The following LCLAT1 variants were observed in gnomAD, a reference collection of about 807,000 sequenced individuals.
LCLAT1 encodes 1-AGP acyltransferase 8.
A neutral mutation model predicts 30.7 loss-of-function variants in LCLAT1; 11 were observed. The observed-to-expected ratio is 0.36, with a 90% CI of 0.23 to 0.59. The LOEUF is 0.59. Ranked by LOEUF, LCLAT1 falls within the 20% of genes least tolerant of loss-of-function variation. The pLI, the probability that LCLAT1 is intolerant of heterozygous loss-of-function variation, is 0.77. For missense variants in LCLAT1, 402 were observed against 458.6 expected (o/e 0.88, Z 1.13); for synonymous variants, 155 against 151.3 (o/e 1.02, Z -0.18).
intron 5 of LCLAT1, among the ~76,000 whole-genome samples, chr2:30,638,585 G>A (rs766176551): frequency 6.6e-6 from 1 of 152,182 alleles, no homozygotes; most frequent in African/African-American, 2.4e-5. Flanking sequence ...CAGAGACTCC[G>A]CAGCAACAAG....
At chr2:30,556,987 G>T (rs1016953067) in intron 3 of LCLAT1, among the ~76,000 whole-genome samples, 2 of 151,886 alleles carry the variant, frequency 1.3e-5, no homozygotes, top group Non-Finnish European at 2.9e-5. Context: ...CACGTGATCC[G>T]CCTGCGTCGG....
rs971660261 is a variant in LCLAT1 at position 30,641,666 on chromosome 2, A to G, written c.*1047A>G. ...TGACAAATTTTACCTTAAAACCAAA[A>G]TGAAACACAAAAATTAATCCTTAAT... On this transcript the variant is annotated 3_prime_UTR_variant, in exon 6 of 6. Coordinates refer to ENST00000379509, the MANE Select transcript of LCLAT1 (RefSeq NM_001002257.3). The G allele has an allele frequency of 2.0e-5, 3 of 152,218 alleles. No individual in the cohort carries two copies. Among genetic ancestry groups the G allele is most frequent in the African/African-American group, 2.4e-5 (1 of 41,454 alleles). 9.4% of individuals were successfully genotyped at this position (152,218 alleles called of 1,614,324 possible).
At chr2:30,508,933 C>T (rs896210013) in intron 1 of LCLAT1, among the ~76,000 whole-genome samples, 13 of 152,108 alleles carry the variant, frequency 8.5e-5, no homozygotes, top group African/African-American at 3.1e-4. Flanking sequence ...TGTGTCATCT[C>T]TGATTTCTTT....
chr2:30,478,902 G>A (rs1306781703), intron 1 of LCLAT1, among the ~76,000 whole-genome samples: 1 of 152,084 alleles, frequency 6.6e-6, no homozygotes, highest in Non-Finnish European at 1.5e-5. Context: ...CATTGTAAAA[G>A]GGGAATCAAG....
intron 1 of LCLAT1, among the ~76,000 whole-genome samples, chr2:30,453,911 T>C (rs887760463): frequency 6.6e-6 from 1 of 152,212 alleles, no homozygotes; most frequent in African/African-American, 2.4e-5. Context: ...CAAATACTGT[T>C]ATTATCCTCA....
At chr2:30,557,723 A>G (rs968816081) in intron 3 of LCLAT1, among the ~76,000 whole-genome samples, 2 of 152,118 alleles carry the variant, frequency 1.3e-5, no homozygotes, top group African/African-American at 4.8e-5. Flanking sequence ...CCCACATCAA[A>G]TTTTTAATCA....
At chr2:30,510,651 G>T (rs1684897067) in intron 1 of LCLAT1, among the ~76,000 whole-genome samples, 1 of 152,052 alleles carries the variant, frequency 6.6e-6, no homozygotes, top group African/African-American at 2.4e-5. Context: ...TGAGATTGTT[G>T]TTGCTGATTT....
intron 5 of LCLAT1, among the ~76,000 whole-genome samples, chr2:30,604,124 C>T (rs980200214): frequency 7.2e-6 from 1 of 138,990 alleles, no homozygotes; most frequent in African/African-American, 2.6e-5. Flanking sequence ...TAGATTAGGG[C>T]ACAACTAACT....
Position 30,526,843 on chromosome 2 carries a change from T to C in LCLAT1, c.165+1088T>C, listed in dbSNP as rs1421104062. Among the ~76,000 whole-genome samples, 9 of 152,346 alleles carry C rather than the reference T, an allele frequency of 5.9e-5. No individual in the cohort carries two copies. The East Asian group carries it at 1.5e-3, about 26-fold the overall frequency. ...TGACTAATTTCTTTTCTGGCTTTCATGTGACTAAAAGTCTTTTTCTTTTTT... is the reference window on the plus strand; with the variant it reads ...TGACTAATTTCTTTTCTGGCTTTCACGTGACTAAAAGTCTTTTTCTTTTTT... On this transcript the variant is annotated intron_variant, in intron 2 of 5. Transcript: ENST00000379509.
At chr2:30,485,889 ATATATGT>A (rs1363770486) in intron 1 of LCLAT1, among the ~76,000 whole-genome samples, 1 of 152,172 alleles carries the variant, frequency 6.6e-6, no homozygotes, top group East Asian at 1.9e-4. Flanking sequence ...CGTATTTGTC[ATATATGT>A]TATATGTTTA....
intron 2 of LCLAT1, among the ~76,000 whole-genome samples, chr2:30,531,468 T>C (rs1362315202): frequency 6.6e-6 from 1 of 152,200 alleles, no homozygotes; most frequent in Admixed American, 6.5e-5. Context: ...TAGCAAAGTA[T>C]GTGTACACAT....
intron 5 of LCLAT1, among the ~76,000 whole-genome samples, chr2:30,634,611 A>T (rs1016833719): frequency 1.1e-4 from 16 of 152,232 alleles, no homozygotes; most frequent in African/African-American, 3.1e-4. Context: ...AATAAAAATA[A>T]ATAATAATTT....
intron 1 of LCLAT1, among the ~76,000 whole-genome samples, chr2:30,458,472 G>A (rs1034706007): frequency 6.6e-6 from 1 of 152,198 alleles, no homozygotes; most frequent in Non-Finnish European, 1.5e-5. Flanking sequence ...CCTAATCTAG[G>A]AATAGCTGTT....
intron 1 of LCLAT1, among the ~76,000 whole-genome samples, chr2:30,502,086 G>A (rs1276904845): frequency 6.6e-6 from 1 of 152,186 alleles, no homozygotes; most frequent in Non-Finnish European, 1.5e-5. Context: ...ATAAAAGTTA[G>A]GGAGGGAGGA....
intron 3 of LCLAT1, among the ~76,000 whole-genome samples, chr2:30,559,894 A>G (rs558609448): frequency 1.3e-5 from 2 of 152,216 alleles, no homozygotes; most frequent in Non-Finnish European, 2.9e-5. Flanking sequence ...TTGTTAATTA[A>G]TAATAGCTAC....
At chr2:30,586,087 CA>C (rs1490766508) in intron 5 of LCLAT1, among the ~76,000 whole-genome samples, 1 of 151,624 alleles carries the variant, frequency 6.6e-6, no homozygotes, top group African/African-American at 2.4e-5. Context: ...TAAAAAAATA[CA>C]AAAAAATTAG....
chr2:30,531,436 T>C (rs1014023846), intron 2 of LCLAT1, among the ~76,000 whole-genome samples: 2 of 152,222 alleles, frequency 1.3e-5, no homozygotes, highest in African/African-American at 2.4e-5. Context: ...GAAAATTTGA[T>C]GAAAACTGCA....
At chr2:30,522,600 T>C (rs1685530644) in intron 1 of LCLAT1, among the ~76,000 whole-genome samples, 1 of 152,216 alleles carries the variant, frequency 6.6e-6, no homozygotes, top group African/African-American at 2.4e-5. Context: ...ATGACTAACA[T>C]AGTGCCTGGC....
chr2:30,552,471 G>A (rs1360421244), intron 3 of LCLAT1: 1 of 417,758 alleles, frequency 2.4e-6, no homozygotes, highest in Non-Finnish European at 4.9e-6. Flanking sequence ...TTTATACTTT[G>A]ATTTCTATCT....
Sources: allele counts gnomAD v4.1 joint callset (sites outside exome capture counted in the v4.1 genomes callset), GRCh38; gene constraint gnomAD v4.1.1; transcripts MANE v1.5; gene names NCBI Gene and HGNC (gene_info 2026-07-23, HGNC 2026-07-21).